Variants in CDH4 observed in about 807,000 individuals in gnomAD.
The protein encoded by CDH4 is cadherin-4.
In CDH4, 33 loss-of-function variants were observed where a neutral mutation model predicts 86.0. The ratio of observed to expected loss-of-function variants is 0.38; its 90% confidence interval spans 0.29 to 0.51. The LOEUF is 0.51. Among genes scored for constraint, CDH4 ranks in the 20% least tolerant of loss-of-function variants. The pLI is 0.86. For missense variants in CDH4, 1,114 were observed against 1,307.4 expected (o/e 0.85, Z 2.28); for synonymous variants, 555 against 549.4 (o/e 1.01, Z -0.14).
At chr20:61,492,655 G>C (rs571247990) in intron 2 of CDH4, among the ~76,000 whole-genome samples, 5 of 152,194 alleles carry the variant, frequency 3.3e-5, no homozygotes, top group African/African-American at 1.2e-4. Context: ...CAATGCCGTG[G>C]TGAAAATATC....
intron 13 of CDH4, 124 bp downstream of exon 13, chr20:61,929,966 CAGG>C (rs1295425168): frequency 2.8e-6 from 2 of 720,148 alleles, no homozygotes; most frequent in Non-Finnish European, 4.7e-6. Flanking sequence ...CCTCATCTGT[CAGG>C]AGCCTTTCAG....
chr20:61,693,884 CTTTTTTTT>C lies in CDH4; in HGVS notation c.170-49660_170-49653del, dbSNP rs11479778. Among the ~76,000 whole-genome samples the C allele has an allele frequency of 4.2e-4, 35 of 82,702 alleles. No homozygotes were observed. The South Asian group carries it at 0.012, about 29-fold the overall frequency. 54.3% of individuals were successfully genotyped at this position (82,702 alleles called of 152,430 possible). A position where few individuals can be genotyped will look rare whatever the true frequency, so the allele number is the denominator to read the frequency against. On this transcript the variant is annotated intron_variant, in intron 2 of 15. Coordinates refer to ENST00000614565, the MANE Select transcript of CDH4 (RefSeq NM_001794.5). ...AACGCTTCTCAGACACTCTTTCTTT[CTTTTTTTT>C]TTTTTTTTTTTTTTTTTTGAGACAG...
intron 4 of CDH4, among the ~76,000 whole-genome samples, chr20:61,831,403 C>T (rs1445197276): frequency 6.6e-6 from 1 of 152,186 alleles, no homozygotes; most frequent in African/African-American, 2.4e-5. Context: ...AGGGAAGAGC[C>T]CCAGGCCTCT....
intron 2 of CDH4, chr20:61,719,318 G>A (rs2088004642): frequency 1.4e-5 from 5 of 354,196 alleles, no homozygotes; most frequent in South Asian, 1.2e-4. Context: ...ATCTTCCAAG[G>A]TACGAGTCAG....
intron 4 of CDH4, among the ~76,000 whole-genome samples, chr20:61,797,778 C>CA (rs1979609653): frequency 6.6e-6 from 1 of 152,186 alleles, no homozygotes; most frequent in South Asian, 2.1e-4. Flanking sequence ...CAAAGTGAGA[C>CA]CCCGTCTCTA....
intron 2 of CDH4, among the ~76,000 whole-genome samples, chr20:61,271,393 A>G (rs953160387): frequency 6.6e-6 from 1 of 152,218 alleles, no homozygotes; most frequent in Non-Finnish European, 1.5e-5. Flanking sequence ...CAGCCCATTG[A>G]CAATGGCGCT....
chr20:61,761,376 G>C (rs1240777626), intron 3 of CDH4, among the ~76,000 whole-genome samples: 3 of 152,202 alleles, frequency 2.0e-5, no homozygotes, highest in African/African-American at 7.2e-5. Flanking sequence ...TGTTCCAACA[G>C]AGCAATGTAC....
chr20:61,850,309 A>T (rs1466882097), intron 5 of CDH4, among the ~76,000 whole-genome samples: 1 of 152,212 alleles, frequency 6.6e-6, no homozygotes, highest in Non-Finnish European at 1.5e-5. Flanking sequence ...TAGGGTTCTT[A>T]TAGCACTGCC....
At position 61,269,369 on chromosome 20, in the gene CDH4, C is replaced by A. The variant is rs1232439647; in HGVS notation, c.169+14432C>A. On this transcript the variant is annotated intron_variant, in intron 2 of 15. Coordinates refer to ENST00000614565, the MANE Select transcript of CDH4 (RefSeq NM_001794.5). The surrounding 1 kb of genome is among the most constrained non-coding windows in gnomAD (Gnocchi z 5.3). ...CAGCCCCCCATGGAGACCTGGTATA[C>A]CCCGTTGCCTGGAGAGTCCACATTT... Among the ~76,000 whole-genome samples the A allele has an allele frequency of 6.6e-6, 1 of 152,132 alleles. No individual in the cohort carries two copies. Among genetic ancestry groups the A allele is most frequent in the Non-Finnish European group, 1.5e-5 (1 of 68,018 alleles).
intron 2 of CDH4, among the ~76,000 whole-genome samples, chr20:61,568,471 C>A (rs2086316878): frequency 6.6e-6 from 1 of 152,196 alleles, no homozygotes; most frequent in African/African-American, 2.4e-5. Flanking sequence ...GTGAGTCAAA[C>A]CTCTTTCCTT....
chr20:61,492,490 T>C (rs1040108614), intron 2 of CDH4, among the ~76,000 whole-genome samples: 1 of 152,154 alleles, frequency 6.6e-6, no homozygotes, highest in Non-Finnish European at 1.5e-5. Context: ...GATGCTGATG[T>C]TGGTGGTGTC....
At chr20:61,426,858 A>G (rs1371376818) in intron 2 of CDH4, among the ~76,000 whole-genome samples, 2 of 152,226 alleles carry the variant, frequency 1.3e-5, no homozygotes, top group African/African-American at 4.8e-5. Flanking sequence ...TTTCAAAATG[A>G]AGATGTTCTT....
At chr20:61,735,506 C>T (rs903219556) in intron 2 of CDH4, among the ~76,000 whole-genome samples, 2 of 152,084 alleles carry the variant, frequency 1.3e-5, no homozygotes, top group African/African-American at 4.8e-5. Flanking sequence ...CCAATGCAGA[C>T]CCCCAAGGGG....
chr20:61,567,449 G>C (rs1302183156), intron 2 of CDH4, among the ~76,000 whole-genome samples: 1 of 152,146 alleles, frequency 6.6e-6, no homozygotes, highest in African/African-American at 2.4e-5. Context: ...GCATGGCAAG[G>C]GGAGAGGGAT....
At chr20:61,533,869 T>C (rs2085974607) in intron 2 of CDH4, among the ~76,000 whole-genome samples, 1 of 152,154 alleles carries the variant, frequency 6.6e-6, no homozygotes, top group South Asian at 2.1e-4. Context: ...CAAAGATGCT[T>C]CTAGAAAAGT....
intron 2 of CDH4, among the ~76,000 whole-genome samples, chr20:61,520,509 A>G (rs1431952740): frequency 6.6e-6 from 1 of 152,204 alleles, no homozygotes. Flanking sequence ...GCTGTCTGTC[A>G]GGCCAGCGCT....
intron 2 of CDH4, among the ~76,000 whole-genome samples, chr20:61,272,221 T>A (rs1420218476): frequency 6.6e-6 from 1 of 152,188 alleles, no homozygotes; most frequent in Non-Finnish European, 1.5e-5. Context: ...TCTGGAAGGA[T>A]ATCAATCTCC....
intron 2 of CDH4, among the ~76,000 whole-genome samples, chr20:61,724,793 G>C (rs1193864083): frequency 6.6e-6 from 1 of 152,172 alleles, no homozygotes; most frequent in Non-Finnish European, 1.5e-5. Context: ...AATATTTTCT[G>C]TTTGTGTATT....
intron 2 of CDH4, among the ~76,000 whole-genome samples, chr20:61,467,723 C>A (rs899495496): frequency 2.6e-5 from 4 of 152,182 alleles, no homozygotes; most frequent in South Asian, 2.1e-4. Flanking sequence ...TATCCATCAT[C>A]TTTATGGTTT....
Sources: gnomAD v4.1 joint callset for allele counts (sites outside exome capture counted in the v4.1 genomes callset) on GRCh38, gnomAD v4.1.1 for gene constraint, Gnocchi (gnomAD v3.1) non-coding constraint, MANE v1.5 for transcripts, NCBI Gene and HGNC (gene_info 2026-07-23, HGNC 2026-07-21) for gene names.